SORCS3: variants seen among roughly 807,000 people sequenced by gnomAD.
SORCS3 encodes VPS10 domain-containing receptor SorCS3.
Under a neutral mutation model 146.3 loss-of-function variants are expected in SORCS3, and 57 were observed. The observed-to-expected ratio is 0.39, with a 90% CI of 0.31 to 0.49. SORCS3 has a LOEUF of 0.49. Among genes scored for constraint, SORCS3 ranks in the 20% least tolerant of loss-of-function variants. The probability of loss-of-function intolerance (pLI) is 0.92; values close to 1 mark genes in which losing one functional copy is unlikely to be tolerated. For synonymous variants in SORCS3, 653 were observed against 618.5 expected (o/e 1.06, Z -0.83); for missense variants, 1,341 against 1,575.5 (o/e 0.85, Z 2.52).
intron 1 of SORCS3, among the ~76,000 whole-genome samples, chr10:104,686,713 C>T (rs2016047841): frequency 6.6e-6 from 1 of 152,040 alleles, no homozygotes; most frequent in African/African-American, 2.4e-5. Context: ...TCATCAAAAC[C>T]TCTCACTGCA....
intron 16 of SORCS3, among the ~76,000 whole-genome samples, chr10:105,202,943 G>A (rs1431387272): frequency 6.6e-6 from 1 of 152,202 alleles, no homozygotes; most frequent in Non-Finnish European, 1.5e-5. Context: ...GCAGGGCAAT[G>A]ATGGAGCTGC....
chr10:104,861,655 C>T (rs1157727534), intron 2 of SORCS3, among the ~76,000 whole-genome samples: 3 of 152,148 alleles, frequency 2.0e-5, no homozygotes, highest in African/African-American at 7.2e-5. Flanking sequence ...ATCAAGTTCT[C>T]CCTGAAGTGT....
In SORCS3 at chr10:105,089,754, G is replaced by C. The variant is rs768979878; in HGVS notation, c.1029-21G>C. The C allele has an allele frequency of 3.1e-6, 5 of 1,611,710 alleles. No homozygotes were observed. The African/African-American group carries it at 5.3e-5, about 17-fold the overall frequency. ...CTATCGGTGTTGTCACTGAGCTTCTGTCTCTCCCTTCCTTTCCCAGGTCGG... is the reference window on the plus strand; with the variant it reads ...CTATCGGTGTTGTCACTGAGCTTCTCTCTCTCCCTTCCTTTCCCAGGTCGG... On this transcript the variant is annotated intron_variant, in intron 5 of 26. Coordinates refer to ENST00000369701, the MANE Select transcript of SORCS3 (RefSeq NM_014978.3).
chr10:104,767,613 CT>C (rs1312850854), intron 1 of SORCS3, among the ~76,000 whole-genome samples: 2 of 100,926 alleles, frequency 2.0e-5, no homozygotes, highest in Non-Finnish European at 4.2e-5. Flanking sequence ...CCCCTTCCCC[CT>C]TCCCCTTTTC....
intron 1 of SORCS3, among the ~76,000 whole-genome samples, chr10:104,642,181 G>A (rs1589444223): frequency 6.6e-6 from 1 of 152,270 alleles, no homozygotes; most frequent in East Asian, 1.9e-4. Flanking sequence ...GGCTTCGGCC[G>A]CCGGGAGGGG....
intron 2 of SORCS3, among the ~76,000 whole-genome samples, chr10:104,886,433 A>T (rs1325913720): frequency 1.3e-5 from 2 of 152,118 alleles, no homozygotes; most frequent in Non-Finnish European, 2.9e-5. Context: ...ATATATGTTT[A>T]TGTGTGTTCA....
In SORCS3 at chr10:104,641,464, C is replaced by A; in HGVS notation, c.137C>A (p.Pro46Gln). 1 of 1,467,174 alleles carries A rather than the reference C, an allele frequency of 6.8e-7. No individual in the cohort carries two copies. Among genetic ancestry groups the A allele is most frequent in the Non-Finnish European group, 9.0e-7 (1 of 1,116,774 alleles). 90.9% of individuals were successfully genotyped at this position (1,467,174 alleles called of 1,614,324 possible). Residue 46 changes from proline (P) to glutamine (Q), a missense_variant, in exon 1 of 27, where the codon CCG (proline) becomes CAG (glutamine). Coordinates refer to ENST00000369701, the MANE Select transcript of SORCS3 (RefSeq NM_014978.3). This position sits in a 1 kb window ranked among gnomAD's most constrained non-coding sequence, Gnocchi z 6.4. The stretch of plus-strand genomic sequence containing the variant: ...GACGCGACAGGCGGTCCCGGACGCC[C>A]GGCGGCCCCGGCTTCGCGGCCACCG... ...TWDATGGPGRPAAPASRPPAL... is the reference protein window; with the variant it reads ...TWDATGGPGRQAAPASRPPAL...
chr10:104,831,441 A>T (rs2133537325), intron 1 of SORCS3, among the ~76,000 whole-genome samples: 1 of 152,330 alleles, frequency 6.6e-6, no homozygotes, highest in South Asian at 2.1e-4. Flanking sequence ...GGAAGTTCCC[A>T]CAAGGGAGTG....
intron 25 of SORCS3, among the ~76,000 whole-genome samples, chr10:105,262,089 AG>A (rs2056964271): frequency 6.6e-6 from 1 of 152,094 alleles, no homozygotes. Flanking sequence ...TTTTACCCAC[AG>A]GAAAAGGTGC....
chr10:105,241,564 G>A (rs912109859), intron 20 of SORCS3, among the ~76,000 whole-genome samples: 3 of 152,126 alleles, frequency 2.0e-5, no homozygotes, highest in African/African-American at 7.2e-5. Flanking sequence ...CACTCGGTGG[G>A]TCCTGAACTC....
chr10:104,987,489 AC>A (rs1234863414), intron 4 of SORCS3, among the ~76,000 whole-genome samples: 12 of 152,124 alleles, frequency 7.9e-5, no homozygotes, highest in South Asian at 2.1e-4. Context: ...ATTTAGTAAA[AC>A]CCTTTCAAAT....
intron 1 of SORCS3, among the ~76,000 whole-genome samples, chr10:104,831,259 G>T (rs954782322): frequency 6.6e-6 from 1 of 152,128 alleles, no homozygotes; most frequent in African/African-American, 2.4e-5. Context: ...ATCCTGTGTG[G>T]ATATCTTATA....
intron 1 of SORCS3, among the ~76,000 whole-genome samples, chr10:104,674,321 T>C (rs182217908): frequency 3.0e-4 from 45 of 152,378 alleles, no homozygotes; most frequent in Non-Finnish European, 5.7e-4. Flanking sequence ...TGGACTGGAC[T>C]CAGTAACTTG....
At chr10:104,923,414 A>G (rs922509651) in intron 3 of SORCS3, among the ~76,000 whole-genome samples, 2 of 152,180 alleles carry the variant, frequency 1.3e-5, no homozygotes, top group Non-Finnish European at 2.9e-5. Flanking sequence ...TACCTGGGCT[A>G]TCTTTTCTGA....
chr10:105,076,569 G>A (rs1462054741), intron 5 of SORCS3, among the ~76,000 whole-genome samples: 4 of 152,164 alleles, frequency 2.6e-5, no homozygotes, highest in Admixed American at 6.5e-5. Context: ...CAGCCCTCGG[G>A]AAGTACTTGC....
At chr10:105,022,948 A>T (rs925443129) in intron 4 of SORCS3, among the ~76,000 whole-genome samples, 8 of 151,604 alleles carry the variant, frequency 5.3e-5, no homozygotes, top group South Asian at 4.2e-4. Flanking sequence ...AATAGGATTT[A>T]AAAAAAAATA....
intron 7 of SORCS3, among the ~76,000 whole-genome samples, chr10:105,139,122 T>C (rs921260685): frequency 1.3e-5 from 2 of 152,254 alleles, no homozygotes. Context: ...GTATGTGCCA[T>C]GTGCAGAGCA....
chr10:105,258,943 A>G lies in SORCS3; in HGVS notation c.3443+2019A>G, dbSNP rs1475993279. 2.6e-5 allele frequency among the ~76,000 whole-genome samples: 4 copies of G among 152,136 alleles called. No homozygotes were observed. The South Asian group carries it at 6.2e-4, about 24-fold the overall frequency. On this transcript the variant is annotated intron_variant, in intron 25 of 26. Transcript: ENST00000369701. Reference sequence around the variant, plus strand: ...CCTTTTCCTGGAAGTTTTACTCCCAATGCTTAAGCCCTTTGGTTGAAATTC... The same window carrying G: ...CCTTTTCCTGGAAGTTTTACTCCCAGTGCTTAAGCCCTTTGGTTGAAATTC...
chr10:104,758,723 C>G (rs960176367), intron 1 of SORCS3, among the ~76,000 whole-genome samples: 2 of 152,116 alleles, frequency 1.3e-5, no homozygotes, highest in Non-Finnish European at 2.9e-5. Flanking sequence ...GATATTGTGG[C>G]TCCTCGCCAA....
Sources: allele counts gnomAD v4.1 joint callset (sites outside exome capture counted in the v4.1 genomes callset), GRCh38; gene constraint gnomAD v4.1.1; non-coding constraint Gnocchi (gnomAD v3.1); transcripts MANE v1.5; gene names NCBI Gene and HGNC (gene_info 2026-07-23, HGNC 2026-07-21).